The following MARK3 variants were observed in gnomAD, a reference collection of about 807,000 sequenced individuals.
MARK3 encodes MAP/microtubule affinity-regulating kinase 3.
MARK3 carries 46 observed loss-of-function variants against 90.1 expected under a neutral mutation model. The observed-to-expected ratio is 0.51, with a 90% confidence interval of 0.40 to 0.65. The LOEUF is 0.65. MARK3 is among the 30% of genes least tolerant of loss of function. The probability of loss-of-function intolerance (pLI) is 0.00; values close to 1 mark genes in which losing one functional copy is unlikely to be tolerated. For synonymous variants in MARK3, 321 were observed against 332.6 expected, an observed-to-expected ratio of 0.97 and a Z score of 0.38; for missense variants, 818 against 947.2, an observed-to-expected ratio of 0.86 and a Z score of 1.79.
intron 14 of MARK3, chr14:103,491,373 T>G (rs2094013407): frequency 4.7e-6 from 1 of 211,626 alleles, no homozygotes; most frequent in African/African-American, 2.3e-5. Context: ...ATATATCATT[T>G]GTTTACTTCC....
chr14:103,446,499 G>A (rs1189705573), intron 3 of MARK3, among the ~76,000 whole-genome samples: 1 of 152,050 alleles, frequency 6.6e-6, no homozygotes, highest in Non-Finnish European at 1.5e-5. Flanking sequence ...TCCAGCCTGG[G>A]CATCAGAGTA....
At chr14:103,501,914 A>G (rs1257092940) in intron 17 of MARK3, among the ~76,000 whole-genome samples, 1 of 152,220 alleles carries the variant, frequency 6.6e-6, no homozygotes, top group Non-Finnish European at 1.5e-5. Flanking sequence ...AGCTATGTGC[A>G]TATGCAAAAG....
At chr14:103,411,657 T>C (rs2091639885) in intron 2 of MARK3, among the ~76,000 whole-genome samples, 1 of 151,990 alleles carries the variant, frequency 6.6e-6, no homozygotes, top group South Asian at 2.1e-4. Context: ...GGAGTCTCGC[T>C]CTGTCGCTAG....
At chr14:103,467,726 C>G (rs2093541874) in intron 11 of MARK3, 1 of 146,506 alleles carries the variant, frequency 6.8e-6, no homozygotes, top group Non-Finnish European at 1.4e-5. Flanking sequence ...CCTGGTCTTT[C>G]ATAAATTAAC....
intron 12 of MARK3, among the ~76,000 whole-genome samples, chr14:103,469,730 G>A (rs553178186): frequency 2.6e-4 from 40 of 152,112 alleles, no homozygotes; most frequent in African/African-American, 6.5e-4. Flanking sequence ...TGGATTACAC[G>A]TGTGAGTCTG....
At chr14:103,406,324 A>G (rs903510328) in intron 2 of MARK3, among the ~76,000 whole-genome samples, 5 of 151,870 alleles carry the variant, frequency 3.3e-5, no homozygotes, top group African/African-American at 1.2e-4. Flanking sequence ...TCCCAGGTTC[A>G]AGCGTTTCTC....
At chr14:103,455,590 T>C (rs1391646105) in intron 5 of MARK3, among the ~76,000 whole-genome samples, 2 of 151,944 alleles carry the variant, frequency 1.3e-5, no homozygotes, top group African/African-American at 4.8e-5. Context: ...TAGCCGGGTG[T>C]GGTGACGCAC....
chr14:103,473,372 G>T (rs2093663040), intron 12 of MARK3, among the ~76,000 whole-genome samples: 1 of 152,228 alleles, frequency 6.6e-6, no homozygotes, highest in Admixed American at 6.5e-5. Context: ...AACGAGGTCA[G>T]TGGATTAGAT....
intron 1 of MARK3, among the ~76,000 whole-genome samples, chr14:103,399,354 G>C (rs1196849008): frequency 6.6e-6 from 1 of 152,174 alleles, no homozygotes; most frequent in East Asian, 1.9e-4. Flanking sequence ...TAGTGCTTTG[G>C]CTGAACGTCA....
intron 2 of MARK3, among the ~76,000 whole-genome samples, chr14:103,415,416 T>G (rs77743349): frequency 0.071 from 10,825 of 152,204 alleles, 428 homozygotes; most frequent in African/African-American, 0.1. Flanking sequence ...TTAAAATACA[T>G]GTACCAGTTG....
intron 14 of MARK3, among the ~76,000 whole-genome samples, chr14:103,484,168 T>C (rs1359324530): frequency 2.5e-4 from 37 of 148,310 alleles, no homozygotes; most frequent in Admixed American, 5.3e-4. Flanking sequence ...CTTTTCTTTT[T>C]TTTTTTTCTT....
chr14:103,405,808 A>T (rs1330472564), intron 2 of MARK3, among the ~76,000 whole-genome samples: 1 of 147,888 alleles, frequency 6.8e-6, no homozygotes. Context: ...CATGTTGGTC[A>T]GGCTGGTCTC....
intron 5 of MARK3, among the ~76,000 whole-genome samples, chr14:103,452,928 A>ATTAATTATTGAGTATTAATTAAATATCT: frequency 6.6e-6 from 1 of 152,338 alleles, no homozygotes; most frequent in African/African-American, 2.4e-5. Context: ...TATCTTGAGT[A>ATTAATTATTGAGTATTAATTAAATATCT]TGTGGCTATT....
intron 3 of MARK3, among the ~76,000 whole-genome samples, chr14:103,442,949 C>G (rs577808771): frequency 3.3e-4 from 49 of 150,742 alleles, no homozygotes; most frequent in South Asian, 1.7e-3. Context: ...GTGTCCCCCC[C>G]CCTCCCACCG....
At chr14:103,482,498 A>G (rs965515697) in intron 14 of MARK3, among the ~76,000 whole-genome samples, 2 of 149,562 alleles carry the variant, frequency 1.3e-5, no homozygotes, top group Non-Finnish European at 3.0e-5. Flanking sequence ...TCCAGCCTGG[A>G]CAACAGAGCA....
At chr14:103,429,641 A>G (rs1231669167) in intron 3 of MARK3, among the ~76,000 whole-genome samples, 1 of 152,202 alleles carries the variant, frequency 6.6e-6, no homozygotes, top group Non-Finnish European at 1.5e-5. Context: ...AGGCTTCTCA[A>G]GGTGGGCATG....
chr14:103,401,220 AAGT>A, intron 1 of MARK3, among the ~76,000 whole-genome samples: 1 of 152,306 alleles, frequency 6.6e-6, no homozygotes, highest in South Asian at 2.1e-4. Context: ...AACTTTTAAA[AAGT>A]TAATTCTTAA....
chr14:103,418,040 G>A (rs1424362485), intron 2 of MARK3, among the ~76,000 whole-genome samples: 2 of 152,116 alleles, frequency 1.3e-5, no homozygotes, highest in East Asian at 3.9e-4. Context: ...CTGCACTCCA[G>A]CCTGGGTGAC....
At chr14:103,406,332 C>G (rs1450326880) in intron 2 of MARK3, among the ~76,000 whole-genome samples, 1 of 152,070 alleles carries the variant, frequency 6.6e-6, no homozygotes, top group Non-Finnish European at 1.5e-5. Flanking sequence ...TCAAGCGTTT[C>G]TCTTGCCTCA....
Sources: allele counts gnomAD v4.1 joint callset (sites outside exome capture counted in the v4.1 genomes callset), GRCh38; gene constraint gnomAD v4.1.1; transcripts MANE v1.5; gene names NCBI Gene and HGNC (gene_info 2026-07-23, HGNC 2026-07-21).